Variants in CTNNA2 observed in about 807,000 individuals in gnomAD.
The protein encoded by CTNNA2 is catenin alpha-2.
Under a neutral mutation model 101.0 loss-of-function variants are expected in CTNNA2, and 42 were observed. The ratio of observed to expected loss-of-function variants is 0.42; its 90% CI spans 0.32 to 0.54. The LOEUF is 0.54. Among genes scored for constraint, CTNNA2 ranks in the 20% least tolerant of loss-of-function variants. The pLI is 0.14. For synonymous variants in CTNNA2, 450 were observed against 456.4 expected, an observed-to-expected ratio of 0.99 and a Z score of 0.18; for missense variants, 871 against 1,223.1, an observed-to-expected ratio of 0.71 and a Z score of 4.29.
chr2:80,100,807 A>G (rs534853833), intron 7 of CTNNA2, among the ~76,000 whole-genome samples: 8 of 152,296 alleles, frequency 5.3e-5, no homozygotes, highest in South Asian at 4.1e-4. Flanking sequence ...ATTGGTGGAA[A>G]CCTTCAACCT....
At chr2:80,608,083 TATATGACACTGAAA>T (rs1286329654) in intron 16 of CTNNA2, 87 bp from the exon 17 acceptor site, 6 of 1,101,364 alleles carry the variant, frequency 5.4e-6, no homozygotes, top group Non-Finnish European at 7.8e-6. Flanking sequence ...GTAATTAAGG[TATATGACACTGAAA>T]ACTTTTCTTC....
At chr2:79,503,908 C>T (rs1229761345) in intron 4 of CTNNA2, among the ~76,000 whole-genome samples, 1 of 152,062 alleles carries the variant, frequency 6.6e-6, no homozygotes, top group Non-Finnish European at 1.5e-5. Context: ...ATCCTGATTA[C>T]CAAGGAGAAG....
At position 79,473,153 on chromosome 2, in the gene CTNNA2, C is replaced by A. The variant is rs370325497; in HGVS notation, c.-134-31901C>A. On this transcript the variant is annotated intron_variant, in intron 4 of 21. Transcript: ENST00000466387. ...GCTTTGTCTTTAGCTCTTCTCTTTT[C>A]TTCCTGAGTCCTCACCAGAATCACC... 5.3e-5 allele frequency among the ~76,000 whole-genome samples: 8 copies of A among 152,240 alleles called. No individual in the cohort carries two copies. The East Asian group carries it at 1.5e-3, about 29-fold the overall frequency.
At chr2:80,463,167 C>G (rs919628965) in intron 9 of CTNNA2, among the ~76,000 whole-genome samples, 1 of 152,116 alleles carries the variant, frequency 6.6e-6, no homozygotes, top group African/African-American at 2.4e-5. Context: ...CTGACAAATC[C>G]CCTGCTCCAT....
rs531575980 is a variant in CTNNA2, at chr2:80,610,300, T to C, written c.2430+1982T>C. ...GGCCAATGGAGAAAAAAAATGAATA[T>C]GCTTACTGTGCAAAATAGCCACAAA... On this transcript the variant is annotated intron_variant, in intron 17 of 18. Transcript: ENST00000402739. Among the ~76,000 whole-genome samples, 5 of 151,706 alleles carry C rather than the reference T, an allele frequency of 3.3e-5. No homozygotes were observed. In the South Asian group the frequency reaches 1.0e-3, roughly 31 times the overall value.
chr2:80,232,031 T>C (rs748598039), intron 7 of CTNNA2, among the ~76,000 whole-genome samples: 1 of 152,192 alleles, frequency 6.6e-6, no homozygotes, highest in Admixed American at 6.5e-5. Context: ...TCCAGGTCTT[T>C]AGATAATAAC....
chr2:79,270,176 T>A (rs1226776178), intron 2 of CTNNA2, among the ~76,000 whole-genome samples: 2 of 152,042 alleles, frequency 1.3e-5, no homozygotes, highest in African/African-American at 4.8e-5. Context: ...AAACATTGAA[T>A]TGGTCACTTA....
intron 7 of CTNNA2, among the ~76,000 whole-genome samples, chr2:80,249,389 C>T (rs114476738): frequency 4.7e-4 from 72 of 152,214 alleles, no homozygotes; most frequent in African/African-American, 1.6e-3. Context: ...AGCTTTGTCC[C>T]CAATATTGCT....
At chr2:79,406,844 A>C (rs1678346920) in intron 4 of CTNNA2, among the ~76,000 whole-genome samples, 1 of 151,828 alleles carries the variant, frequency 6.6e-6, no homozygotes, top group South Asian at 2.1e-4. Context: ...TAGAGTCTGC[A>C]CTCCACTCAC....
chr2:79,201,407 C>G (rs533402020), intron 2 of CTNNA2, among the ~76,000 whole-genome samples: 38 of 151,396 alleles, frequency 2.5e-4, no homozygotes, highest in Non-Finnish European at 4.3e-4. Flanking sequence ...GAAGACTGCT[C>G]TCTACCATCC....
chr2:80,159,659 A>G (rs1320680536), intron 7 of CTNNA2, among the ~76,000 whole-genome samples: 1 of 152,126 alleles, frequency 6.6e-6, no homozygotes, highest in Non-Finnish European at 1.5e-5. Context: ...TTTTTAGTAG[A>G]GATGGGATTT....
At chr2:79,248,346 TTAA>T (rs1674724311) in intron 2 of CTNNA2, among the ~76,000 whole-genome samples, 1 of 151,730 alleles carries the variant, frequency 6.6e-6, no homozygotes, top group Non-Finnish European at 1.5e-5. Context: ...AAAATTATTT[TTAA>T]TAATATTTTA....
intron 3 of CTNNA2, among the ~76,000 whole-genome samples, chr2:79,767,272 G>T (rs1673233742): frequency 6.6e-6 from 1 of 151,716 alleles, no homozygotes; most frequent in South Asian, 2.1e-4. Flanking sequence ...GAATTTCTTT[G>T]CATTTCCTCA....
At chr2:79,645,681 C>T (rs1573559637) in intron 1 of CTNNA2, among the ~76,000 whole-genome samples, 1 of 152,282 alleles carries the variant, frequency 6.6e-6, no homozygotes, top group East Asian at 1.9e-4. Context: ...TAGGATGATA[C>T]TCATGTAGAC....
At chr2:79,236,769 A>C (rs547608180) in intron 2 of CTNNA2, among the ~76,000 whole-genome samples, 1 of 152,324 alleles carries the variant, frequency 6.6e-6, no homozygotes, top group Non-Finnish European at 1.5e-5. Context: ...TTCTTTGCTT[A>C]TCCATAAGAA....
At chr2:80,126,025 G>T (rs377029989) in intron 7 of CTNNA2, among the ~76,000 whole-genome samples, 2 of 152,240 alleles carry the variant, frequency 1.3e-5, no homozygotes, top group African/African-American at 4.8e-5. Flanking sequence ...CTCTATAAAT[G>T]TTAGCTCCTC....
At chr2:80,199,349 G>A (rs13395237) in intron 7 of CTNNA2, among the ~76,000 whole-genome samples, 4 of 151,442 alleles carry the variant, frequency 2.6e-5, no homozygotes, top group African/African-American at 9.7e-5. Flanking sequence ...TGAAATTGAA[G>A]AGAGTTAAGA....
intron 4 of CTNNA2, among the ~76,000 whole-genome samples, chr2:79,396,679 C>T (rs1678235222): frequency 6.6e-6 from 1 of 152,094 alleles, no homozygotes; most frequent in Non-Finnish European, 1.5e-5. Context: ...TGTTTTAAGG[C>T]TTTCCTGATG....
intron 2 of CTNNA2, among the ~76,000 whole-genome samples, chr2:79,742,896 A>G (rs1671390481): frequency 6.6e-6 from 1 of 152,184 alleles, no homozygotes; most frequent in South Asian, 2.1e-4. Flanking sequence ...CCTCTTAAGT[A>G]TTGGTTCTAT....
Sources: gnomAD v4.1 joint callset for allele counts (sites outside exome capture counted in the v4.1 genomes callset) on GRCh38, gnomAD v4.1.1 for gene constraint, MANE v1.5 for transcripts, NCBI Gene and HGNC (gene_info 2026-07-23, HGNC 2026-07-21) for gene names.